The following RBBP8 variants were observed in gnomAD, a reference collection of about 807,000 sequenced individuals.
The protein encoded by RBBP8 is DNA endonuclease RBBP8.
Under a neutral mutation model 108.3 loss-of-function variants are expected in RBBP8, and 88 were observed. The ratio of observed to expected loss-of-function variants is 0.81; its 90% CI spans 0.68 to 0.97. The LOEUF is 0.97. RBBP8 is among the 50% of genes least tolerant of loss of function. The pLI is 0.00. For missense variants in RBBP8, 1,023 were observed against 1,049.0 expected (o/e 0.98, Z 0.34); for synonymous variants, 332 against 348.2 (o/e 0.95, Z 0.52).
Position 22,964,373 on chromosome 18 carries a change from G to GTT in RBBP8, c.249-4418_249-4417dup, listed in dbSNP as rs71161350. ...AACATCCATTGTGCTGGAGACTTAG[G>GTT]TTTTTTTTTTTTTTTTCTTTTCAGT... On this transcript the variant is annotated intron_variant, in intron 4 of 18. Transcript: ENST00000327155. Among the ~76,000 whole-genome samples, 462 of 139,352 alleles carry GTT rather than the reference G, an allele frequency of 3.3e-3. 4 individuals carry two copies. The highest frequency in any genetic ancestry group is 4.3e-3 in the Non-Finnish European group (280 of 64,608). The allele number at this position is 139,352 out of a possible 152,430, so 91.4% of individuals were successfully genotyped here.
chr18:22,976,761 C>A (rs1007538488), intron 6 of RBBP8, among the ~76,000 whole-genome samples: 4 of 152,034 alleles, frequency 2.6e-5, no homozygotes. Flanking sequence ...TTGAACACAT[C>A]AGCCTTGATC....
chr18:23,003,888 C>A (rs1298121456), intron 15 of RBBP8, among the ~76,000 whole-genome samples: 1 of 151,736 alleles, frequency 6.6e-6, no homozygotes, highest in Non-Finnish European at 1.5e-5. Context: ...GAAACCCCGT[C>A]TCCTGAAAAT....
chr18:22,971,807 A>G (rs1308850038), intron 5 of RBBP8, among the ~76,000 whole-genome samples: 1 of 151,258 alleles, frequency 6.6e-6, no homozygotes, highest in Non-Finnish European at 1.5e-5. Context: ...CACCACGCCC[A>G]GCTAATTTTT....
rs570758170 is a variant in RBBP8 at position 22,969,212 on chromosome 18, G to A, written c.361+294G>A. 4.7e-5 allele frequency among the ~76,000 whole-genome samples: 7 copies of A among 148,312 alleles called. No homozygotes were observed. In the South Asian group the frequency reaches 1.5e-3, roughly 32 times the overall value. On this transcript the variant is annotated intron_variant, in intron 5 of 18. Coordinates refer to ENST00000327155, the MANE Select transcript of RBBP8 (RefSeq NM_002894.3). Reference sequence around the variant, plus strand: ...TGGACATGTCCATATTTGCTTCTTTGGTTTTAATCTTTATTTCATGTAACC... The same window carrying A: ...TGGACATGTCCATATTTGCTTCTTTAGTTTTAATCTTTATTTCATGTAACC...
intron 14 of RBBP8, among the ~76,000 whole-genome samples, chr18:22,999,760 A>T (rs2045916553): frequency 6.6e-6 from 1 of 152,132 alleles, no homozygotes; most frequent in Admixed American, 6.5e-5. Context: ...AATTCAGAAA[A>T]TTTTCATGCA....
intron 4 of RBBP8, among the ~76,000 whole-genome samples, chr18:22,954,102 C>G (rs1912286667): frequency 6.6e-6 from 1 of 152,094 alleles, no homozygotes; most frequent in South Asian, 2.1e-4. Flanking sequence ...GGTGGGGACA[C>G]AGCCAAATCA....
chr18:22,919,772 G>A (rs562924424), intron 3 of RBBP8, among the ~76,000 whole-genome samples: 5 of 152,070 alleles, frequency 3.3e-5, no homozygotes, highest in African/African-American at 7.2e-5. Flanking sequence ...GGCTGATCTC[G>A]AACTCCTGAC....
chr18:22,917,621 A>G (rs903685756), intron 3 of RBBP8, among the ~76,000 whole-genome samples: 42 of 152,310 alleles, frequency 2.8e-4, no homozygotes, highest in African/African-American at 9.9e-4. Flanking sequence ...ATTTTCTTTC[A>G]GTAAGAGAAG....
chr18:22,936,793 T>A lies in RBBP8; in HGVS notation c.-59T>A. 6.2e-7 allele frequency: 1 copy of A among 1,602,616 alleles called. No homozygotes were observed. The highest frequency in any genetic ancestry group is 8.5e-7 in the Non-Finnish European group (1 of 1,170,594). ...CAAAGACGACTTGATACCTCTATAA[T>A]GTAACAGAAAAGGTCAGAAAATATT... On this transcript the variant is annotated 5_prime_UTR_variant, in exon 2 of 19. An upstream start codon of the reference 5' UTR is lost. Coordinates refer to ENST00000327155, the MANE Select transcript of RBBP8 (RefSeq NM_002894.3).
intron 16 of RBBP8, 92 bp downstream of exon 16, chr18:23,006,524 C>CA: frequency 9.0e-7 from 1 of 1,114,732 alleles, no homozygotes. Flanking sequence ...TTTTTAAAGA[C>CA]AGAGTCTTGC....
intron 5 of RBBP8, among the ~76,000 whole-genome samples, chr18:22,973,104 T>G (rs1444211178): frequency 6.6e-6 from 1 of 152,208 alleles, no homozygotes; most frequent in African/African-American, 2.4e-5. Context: ...CTCATGACTT[T>G]AGCCTAAGGG....
intron 3 of RBBP8, chr18:22,920,898 G>T (rs547741314): frequency 3.3e-5 from 5 of 152,260 alleles, no homozygotes; most frequent in African/African-American, 1.2e-4. Flanking sequence ...GCAAGTGAGT[G>T]AATCTTTTCA....
intron 4 of RBBP8, among the ~76,000 whole-genome samples, chr18:22,953,318 C>G (rs755091957): frequency 6.6e-6 from 1 of 152,206 alleles, no homozygotes; most frequent in South Asian, 2.1e-4. Flanking sequence ...GGATTTTATT[C>G]TCCTACTGTG....
intron 15 of RBBP8, chr18:23,004,797 A>AGT (rs1411117967): frequency 6.6e-6 from 1 of 152,328 alleles, no homozygotes; most frequent in Middle Eastern, 3.2e-3. Flanking sequence ...GCTGATCAGT[A>AGT]GTGGTGCGGT....
At chr18:22,962,320 T>G (rs1236859788) in intron 4 of RBBP8, among the ~76,000 whole-genome samples, 1 of 152,168 alleles carries the variant, frequency 6.6e-6, no homozygotes, top group Non-Finnish European at 1.5e-5. Context: ...TCCAGGCACT[T>G]TTCAACTGTA....
chr18:23,013,831 T>C (rs1384801540), intron 16 of RBBP8, among the ~76,000 whole-genome samples: 1 of 152,216 alleles, frequency 6.6e-6, no homozygotes, highest in Non-Finnish European at 1.5e-5. Flanking sequence ...ATTTGGCCTA[T>C]GCCCAAAAAT....
At chr18:22,914,160 C>T (rs915682337) in exon 1 of RBBP8, 1 of 152,192 alleles carries the variant, frequency 6.6e-6, no homozygotes, top group South Asian at 2.1e-4. Flanking sequence ...AACTCTTCCA[C>T]ATAGCAGTAG....
chr18:22,984,919 C>T lies in RBBP8; in HGVS notation c.638C>T (p.Pro213Leu). The change falls in exon 8 of 19, where the codon CCA (proline) becomes CTA (leucine). Residue 213 changes from proline to leucine, a missense_variant. Pro to Leu is a moderately conservative substitution (Grantham distance 98, BLOSUM62 -3). Transcript: ENST00000327155. ...AAAGTTTCCAAGTCTTCAACTCATCCACAACATAATCCTAATGAAAATGAA... is the reference window on the plus strand; with the variant it reads ...AAAGTTTCCAAGTCTTCAACTCATCTACAACATAATCCTAATGAAAATGAA... ...MRKVSKSSTHPQHNPNENEIL... is the reference protein window; with the variant it reads ...MRKVSKSSTHLQHNPNENEIL... The T allele has an allele frequency of 6.2e-7, 1 of 1,609,720 alleles. No homozygotes were observed. The highest frequency in any genetic ancestry group is 2.2e-5 in the East Asian group (1 of 44,620).
At chr18:22,992,676 T>C in intron 10 of RBBP8, 72 bp from the exon 11 acceptor site, 1 of 1,371,362 alleles carries the variant, frequency 7.3e-7, no homozygotes, top group Non-Finnish European at 1.0e-6. Context: ...TGGTTAATCA[T>C]TTGCTTCTAA....
Sources: allele counts gnomAD v4.1 joint callset (sites outside exome capture counted in the v4.1 genomes callset), GRCh38; gene constraint gnomAD v4.1.1; transcripts MANE v1.5; gene names NCBI Gene and HGNC (gene_info 2026-07-23, HGNC 2026-07-21).